BANK1: variants seen among roughly 807,000 people sequenced by gnomAD.
The protein encoded by BANK1 is B-cell scaffold protein with ankyrin repeats.
A neutral mutation model predicts 94.5 loss-of-function variants in BANK1; 95 were observed. The observed-to-expected ratio is 1.00, with a 90% CI of 0.85 to 1.19. The LOEUF (loss-of-function observed/expected upper bound fraction) is 1.19. Ranked by LOEUF, BANK1 falls within the 50% of genes most tolerant of loss-of-function variation. The pLI is 0.00. For missense variants in BANK1, 987 were observed against 932.2 expected, an observed-to-expected ratio of 1.06 and a Z score of -0.77; for synonymous variants, 334 against 308.4, an observed-to-expected ratio of 1.08 and a Z score of -0.87.
chr4:101,854,480 A>T (rs1239664251), intron 2 of BANK1, among the ~76,000 whole-genome samples: 3 of 152,198 alleles, frequency 2.0e-5, no homozygotes, highest in Non-Finnish European at 4.4e-5. Flanking sequence ...TATTTGATAT[A>T]GACACTTATT....
chr4:101,790,851 T>C lies in BANK1; in HGVS notation c.-30T>C. ...CCAGGTAGCGCTCGGCGGGCAGCAG[T>C]GCGCAGGCCCCTCGGCTTCAACCGC... On this transcript the variant is annotated 5_prime_UTR_variant, in exon 1 of 17. Transcript: ENST00000322953. The C allele has an allele frequency of 1.3e-6, 2 of 1,534,440 alleles. No individual in the cohort carries two copies. Among genetic ancestry groups the C allele is most frequent in the South Asian group, 2.4e-5 (2 of 83,944 alleles).
chr4:101,976,670 C>T (rs1328107489), intron 7 of BANK1, among the ~76,000 whole-genome samples: 2 of 152,042 alleles, frequency 1.3e-5, no homozygotes, highest in Non-Finnish European at 2.9e-5. Context: ...CACTAGAATG[C>T]CATATGCTTC....
intron 6 of BANK1, among the ~76,000 whole-genome samples, chr4:101,901,912 C>G (rs952954669): frequency 4.2e-4 from 64 of 152,218 alleles, no homozygotes; most frequent in African/African-American, 1.5e-3. Context: ...AGGCGCCCGC[C>G]AACACACCTG....
chr4:101,902,906 G>C (rs547517413), intron 6 of BANK1, among the ~76,000 whole-genome samples: 1 of 152,314 alleles, frequency 6.6e-6, no homozygotes, highest in South Asian at 2.1e-4. Flanking sequence ...ACTTCTAACT[G>C]CTGTTTGCAG....
intron 2 of BANK1, among the ~76,000 whole-genome samples, chr4:101,848,204 T>G (rs1284180623): frequency 2.0e-5 from 3 of 151,588 alleles, no homozygotes; most frequent in Admixed American, 1.3e-4. Context: ...CTCATAGTTT[T>G]GGGGGGGGTC....
intron 13 of BANK1, among the ~76,000 whole-genome samples, chr4:102,069,447 A>C (rs1271047336): frequency 6.6e-6 from 1 of 152,226 alleles, no homozygotes; most frequent in Non-Finnish European, 1.5e-5. Flanking sequence ...TAAAAAGTAT[A>C]ATGAATTACC....
At position 101,847,198 on chromosome 4, in the gene BANK1, AGTGTGTGTGTGTGT is replaced by A. The variant is rs10542109; in HGVS notation, c.470-7812_470-7799del. The stretch of plus-strand genomic sequence containing the variant: ...TATTGCCTGCCTCTTGGGTTGGCAG[AGTGTGTGTGTGTGT>A]GTGTGTGTGTGTGTGTGTGTGTGTA... On this transcript the variant is annotated intron_variant, in intron 2 of 16. Coordinates refer to ENST00000322953, the MANE Select transcript of BANK1 (RefSeq NM_017935.5). Among the ~76,000 whole-genome samples, 1,036 of 147,808 alleles carry A rather than the reference AGTGTGTGTGTGTGT, an allele frequency of 7.0e-3. 12 individuals are homozygous for A. Among genetic ancestry groups the A allele is most frequent in the African/African-American group, 0.02 (813 of 40,142 alleles).
chr4:102,060,968 C>CCA (rs1728400149), intron 12 of BANK1, among the ~76,000 whole-genome samples: 2 of 152,134 alleles, frequency 1.3e-5, no homozygotes, highest in South Asian at 2.1e-4. Context: ...ACAAAATATA[C>CCA]CACACACACC....
Position 102,025,391 on chromosome 4 carries a change from T to C in BANK1, c.1476T>C (p.Pro492=), listed in dbSNP as rs369463685. 1.2e-5 allele frequency: 19 copies of C among 1,613,998 alleles called. No individual in the cohort carries two copies. The highest frequency in any genetic ancestry group is 2.2e-5 in the East Asian group (1 of 44,884). ...DQYDDLYVFI[P]GADPENNSQE... Reference sequence around the variant, plus strand: ...ATGATGACTTGTATGTGTTCATTCCTGGTGCTGATCCAGAAAATAATTCAC... The same window carrying C: ...ATGATGACTTGTATGTGTTCATTCCCGGTGCTGATCCAGAAAATAATTCAC... Residue 492 remains proline, a synonymous_variant, in exon 9 of 17, where the codon CCT becomes CCC. Transcript: ENST00000322953.
intron 7 of BANK1, among the ~76,000 whole-genome samples, chr4:101,937,473 A>G (rs1047303275): frequency 6.6e-6 from 1 of 152,016 alleles, no homozygotes; most frequent in Admixed American, 6.6e-5. Flanking sequence ...TATGTGGCCA[A>G]CAAACATATG....
At chr4:101,996,497 G>C (rs537235960) in intron 7 of BANK1, among the ~76,000 whole-genome samples, 3 of 152,046 alleles carry the variant, frequency 2.0e-5, no homozygotes, top group Non-Finnish European at 2.9e-5. Context: ...GGATAGCATC[G>C]GATCTATAAA....
intron 6 of BANK1, among the ~76,000 whole-genome samples, chr4:101,915,179 C>T (rs558462489): frequency 1.3e-5 from 2 of 152,054 alleles, no homozygotes; most frequent in South Asian, 2.1e-4. Context: ...GTTTAATAAC[C>T]GATTGAGTAG....
At chr4:101,981,174 C>G (rs555149410) in intron 7 of BANK1, among the ~76,000 whole-genome samples, 1 of 152,146 alleles carries the variant, frequency 6.6e-6, no homozygotes, top group South Asian at 2.1e-4. Flanking sequence ...CTCTATTATT[C>G]TCCCATTGAG....
chr4:102,057,338 TTCTC>T (rs1308052642), intron 11 of BANK1, among the ~76,000 whole-genome samples: 2 of 147,528 alleles, frequency 1.4e-5, no homozygotes, highest in Non-Finnish European at 3.0e-5. Flanking sequence ...CTCTCTCTCT[TTCTC>T]TCTCTCTCGC....
intron 6 of BANK1, among the ~76,000 whole-genome samples, chr4:101,910,196 G>A (rs1281912655): frequency 1.3e-5 from 2 of 152,134 alleles, no homozygotes; most frequent in Non-Finnish European, 2.9e-5. Context: ...GTAGATCTGG[G>A]TTGGGTACAA....
At chr4:101,879,945 A>G (rs986868033) in intron 5 of BANK1, among the ~76,000 whole-genome samples, 4 of 152,096 alleles carry the variant, frequency 2.6e-5, no homozygotes, top group Non-Finnish European at 5.9e-5. Context: ...ATACCTTGAC[A>G]TAGAAAAGCC....
intron 1 of BANK1, among the ~76,000 whole-genome samples, chr4:101,811,643 C>T (rs557090025): frequency 6.6e-6 from 1 of 152,126 alleles, no homozygotes; most frequent in East Asian, 1.9e-4. Flanking sequence ...TTTAAAAATG[C>T]CAAACCGTGA....
chr4:102,021,622 G>C, intron 8 of BANK1, 30 bp downstream of exon 8: 1 of 773,890 alleles, frequency 1.3e-6, no homozygotes, highest in Non-Finnish European at 1.9e-6. Flanking sequence ...ATATATATAT[G>C]ACATATTCAT....
chr4:101,803,773 G>A (rs981764711), intron 1 of BANK1, among the ~76,000 whole-genome samples: 29 of 151,594 alleles, frequency 1.9e-4, no homozygotes, highest in East Asian at 1.9e-4. Context: ...CGAGGCGGGC[G>A]GATCACGAGG....
Sources: gnomAD v4.1 joint callset for allele counts (sites outside exome capture counted in the v4.1 genomes callset) on GRCh38, gnomAD v4.1.1 for gene constraint, MANE v1.5 for transcripts, NCBI Gene and HGNC (gene_info 2026-07-23, HGNC 2026-07-21) for gene names.